ZNF385D: variants seen among roughly 807,000 people sequenced by gnomAD.
ZNF385D encodes the protein zinc finger protein 659.
ZNF385D carries 15 observed loss-of-function variants against 35.8 expected under a neutral mutation model. The observed-to-expected ratio is 0.42, with a 90% CI of 0.28 to 0.64. The LOEUF is 0.64. Ranked by LOEUF, ZNF385D falls within the 30% of genes least tolerant of loss-of-function variation. The pLI, the probability that ZNF385D is intolerant of heterozygous loss-of-function variation, is 0.23. For synonymous variants in ZNF385D, 212 were observed against 186.8 expected, an observed-to-expected ratio of 1.13 and a Z score of -1.10; for missense variants, 474 against 494.6, an observed-to-expected ratio of 0.96 and a Z score of 0.39.
intron 4 of ZNF385D, among the ~76,000 whole-genome samples, chr3:21,481,850 A>G (rs2194607): frequency 0.42 from 63,176 of 151,930 alleles, 13,713 homozygotes; most frequent in East Asian, 0.68. Context: ...CTGCTGGATA[A>G]ATAGATCTAG....
At chr3:22,113,849 T>C (rs1436161856) in intron 3 of ZNF385D, among the ~76,000 whole-genome samples, 2 of 152,102 alleles carry the variant, frequency 1.3e-5, no homozygotes, top group Non-Finnish European at 2.9e-5. Context: ...TCAATAGAGA[T>C]CATTCCTATT....
intron 3 of ZNF385D, among the ~76,000 whole-genome samples, chr3:21,808,700 G>T (rs920230833): frequency 5.9e-5 from 9 of 152,194 alleles, no homozygotes; most frequent in African/African-American, 2.2e-4. Context: ...TAGGGGAAGG[G>T]TTATGGACAG....
intron 2 of ZNF385D, among the ~76,000 whole-genome samples, chr3:22,169,850 A>G (rs1384815077): frequency 6.6e-6 from 1 of 152,154 alleles, no homozygotes; most frequent in Non-Finnish European, 1.5e-5. Flanking sequence ...GCTGGAGTGC[A>G]GTGGCATGAT....
chr3:22,068,916 G>T (rs906740317), intron 3 of ZNF385D, among the ~76,000 whole-genome samples: 3 of 152,102 alleles, frequency 2.0e-5, no homozygotes, highest in Admixed American at 1.3e-4. Flanking sequence ...TATGGAGGAA[G>T]GTGTCTCAGG....
rs180869555 is a variant in ZNF385D at position 21,930,556 on chromosome 3, G to T, written c.325+238261C>A. On this transcript the variant is annotated intron_variant, in intron 3 of 5. Coordinates refer to the ZNF385D transcript ENST00000494108. ...AAAATAATTTTGAAATAAAATAAGAGAACTTATATTTATCAATTGTCAAAA... is the reference window on the plus strand; with the variant it reads ...AAAATAATTTTGAAATAAAATAAGATAACTTATATTTATCAATTGTCAAAA... Among the ~76,000 whole-genome samples the T allele has an allele frequency of 1.5e-3, 233 of 152,066 alleles. 4 individuals are homozygous for T. The highest frequency in any genetic ancestry group is 0.015 in the Admixed American group (224 of 15,278).
At chr3:21,662,566 C>T (rs566709903) in intron 2 of ZNF385D, among the ~76,000 whole-genome samples, 6 of 152,272 alleles carry the variant, frequency 3.9e-5, no homozygotes, top group African/African-American at 1.4e-4. Context: ...AGGAAATGCT[C>T]TGTGCCCTAA....
chr3:22,133,446 A>G (rs950539652), intron 3 of ZNF385D: 2 of 150,344 alleles, frequency 1.3e-5, no homozygotes, highest in Non-Finnish European at 2.9e-5. Context: ...GAAAGGTTAT[A>G]TAACAGACAT....
At chr3:22,220,322 C>T (rs1473666303) in intron 2 of ZNF385D, among the ~76,000 whole-genome samples, 1 of 152,160 alleles carries the variant, frequency 6.6e-6, no homozygotes. Flanking sequence ...ACTTCTGCTT[C>T]TGAAAGTGCT....
chr3:21,614,687 C>G (rs1042278536), intron 2 of ZNF385D, among the ~76,000 whole-genome samples: 2 of 152,204 alleles, frequency 1.3e-5, no homozygotes, highest in African/African-American at 4.8e-5. Context: ...CTCCCAGGTT[C>G]AAGCAATTCT....
intron 1 of ZNF385D, among the ~76,000 whole-genome samples, chr3:21,723,496 C>T (rs565138385): frequency 8.0e-4 from 121 of 152,088 alleles, no homozygotes; most frequent in Non-Finnish European, 1.7e-3. Context: ...ATGAGAACTT[C>T]GTGAAGCATA....
intron 3 of ZNF385D, among the ~76,000 whole-genome samples, chr3:22,162,831 G>C (rs561736978): frequency 1.3e-5 from 2 of 152,312 alleles, no homozygotes; most frequent in South Asian, 2.1e-4. Context: ...AACCTTCAGA[G>C]AGAGAGGACA....
chr3:21,825,162 A>T (rs1350243093), intron 3 of ZNF385D, among the ~76,000 whole-genome samples: 1 of 152,194 alleles, frequency 6.6e-6, no homozygotes, highest in Non-Finnish European at 1.5e-5. Context: ...ATGCACATAC[A>T]AACGCAAACC....
intron 3 of ZNF385D, among the ~76,000 whole-genome samples, chr3:21,920,668 T>C (rs938736972): frequency 6.6e-6 from 1 of 150,376 alleles, no homozygotes; most frequent in African/African-American, 2.4e-5. Flanking sequence ...TCCTTCATGC[T>C]CTAGGATACT....
chr3:21,767,483 T>C (rs2070880851), intron 3 of ZNF385D, among the ~76,000 whole-genome samples: 1 of 152,080 alleles, frequency 6.6e-6, no homozygotes, highest in African/African-American at 2.4e-5. Flanking sequence ...AATAATACCA[T>C]TTGTTATCAT....
intron 3 of ZNF385D, among the ~76,000 whole-genome samples, chr3:22,083,290 T>TG (rs1700853027): frequency 8.8e-6 from 1 of 113,226 alleles, no homozygotes; most frequent in Non-Finnish European, 1.9e-5. Flanking sequence ...TTCTCCGAGC[T>TG]AAAGGAGGAT....
chr3:21,565,350 A>C (rs1486700786), intron 2 of ZNF385D, among the ~76,000 whole-genome samples: 5 of 152,076 alleles, frequency 3.3e-5, no homozygotes, highest in Non-Finnish European at 1.5e-5. Context: ...CAACAAGAAA[A>C]ACATAATGTC....
At chr3:22,333,209 C>T (rs1342978958) in intron 2 of ZNF385D, among the ~76,000 whole-genome samples, 1 of 152,134 alleles carries the variant, frequency 6.6e-6, no homozygotes, top group Admixed American at 6.6e-5. Context: ...AAGTTTTTCT[C>T]AGGCTGCTTT....
chr3:22,095,067 C>T (rs1350423973), intron 3 of ZNF385D, among the ~76,000 whole-genome samples: 9 of 150,948 alleles, frequency 6.0e-5, no homozygotes. Flanking sequence ...ATCACCATGC[C>T]CAGTTATTTT....
At chr3:22,111,303 T>G (rs1424995462) in intron 3 of ZNF385D, among the ~76,000 whole-genome samples, 1 of 151,784 alleles carries the variant, frequency 6.6e-6, no homozygotes, top group Non-Finnish European at 1.5e-5. Flanking sequence ...AAATCTGCCC[T>G]GTGAACTTGG....
Sources: allele counts gnomAD v4.1 joint callset (sites outside exome capture counted in the v4.1 genomes callset), GRCh38; gene constraint gnomAD v4.1.1; transcripts MANE v1.5; gene names NCBI Gene and HGNC (gene_info 2026-07-23, HGNC 2026-07-21).